TOGARAM1: variants seen among roughly 807,000 people sequenced by gnomAD.
TOGARAM1 encodes TOG array regulator of axonemal microtubules protein 1.
In TOGARAM1, 100 loss-of-function variants were observed where a neutral mutation model predicts 166.6. That is an observed-to-expected ratio of 0.60 (90% CI 0.51 to 0.71). The LOEUF (loss-of-function observed/expected upper bound fraction) is 0.71. TOGARAM1 is among the 30% of genes least tolerant of loss of function. The pLI is 0.00. For missense variants in TOGARAM1, 2,029 were observed against 2,102.7 expected (o/e 0.96, Z 0.69); for synonymous variants, 758 against 763.8 (o/e 0.99, Z 0.13).
At position 45,073,347 on chromosome 14, in the gene TOGARAM1, TGTTG is replaced by T. The variant is rs1883465615; in HGVS notation, c.5113_5116del (p.Val1705PhefsTer6). The stretch of plus-strand genomic sequence containing the variant: ...AAGCCGCATGCCACAGAGCAGAAAG[TGTTG>T]GTTGTTTTATGGCATCTCTTAGGAA... On this transcript the variant is annotated frameshift_variant, in exon 20 of 20. Coordinates refer to ENST00000361462, the MANE Select transcript of TOGARAM1 (RefSeq NM_001308120.2). LOFTEE classifies it high-confidence loss of function. 1.9e-6 allele frequency: 3 copies of T among 1,614,054 alleles called. No individual in the cohort carries two copies. Among genetic ancestry groups the T allele is most frequent in the Non-Finnish European group, 2.5e-6 (3 of 1,180,036 alleles).
intron 4 of TOGARAM1, among the ~76,000 whole-genome samples, chr14:45,004,896 A>C (rs968754009): frequency 6.6e-6 from 1 of 152,156 alleles, no homozygotes; most frequent in African/African-American, 2.4e-5. Context: ...ATATTTATTG[A>C]ATTTTTATTG....
intron 2 of TOGARAM1, 45 bp from the exon 3 acceptor site, chr14:44,999,318 A>C: frequency 6.7e-7 from 1 of 1,481,816 alleles, no homozygotes; most frequent in Non-Finnish European, 9.0e-7. Context: ...CATGAAATAA[A>C]GTTAACTTTT....
chr14:44,989,551 A>T (rs1216834601), intron 1 of TOGARAM1, among the ~76,000 whole-genome samples: 1 of 113,986 alleles, frequency 8.8e-6, no homozygotes, highest in African/African-American at 4.3e-5. Flanking sequence ...TCAGTACATT[A>T]AAAAAAAAAA....
chr14:45,046,991 G>A (rs1418873172), intron 14 of TOGARAM1, among the ~76,000 whole-genome samples: 1 of 152,166 alleles, frequency 6.6e-6, no homozygotes, highest in African/African-American at 2.4e-5. Flanking sequence ...GGGCAGAAAA[G>A]TGGCAGAAGA....
At chr14:44,989,327 T>A (rs1887011886) in intron 1 of TOGARAM1, among the ~76,000 whole-genome samples, 1 of 152,220 alleles carries the variant, frequency 6.6e-6, no homozygotes, top group Non-Finnish European at 1.5e-5. Flanking sequence ...CCATCCGTTC[T>A]TTAGCTTTAG....
intron 16 of TOGARAM1, among the ~76,000 whole-genome samples, chr14:45,056,575 G>A (rs554481360): frequency 1.3e-5 from 2 of 152,204 alleles, no homozygotes; most frequent in African/African-American, 4.8e-5. Flanking sequence ...TTATCATGAA[G>A]TGATGATGAA....
At chr14:44,971,987 T>A (rs148617472) in intron 1 of TOGARAM1, among the ~76,000 whole-genome samples, 282 of 151,900 alleles carry the variant, frequency 1.9e-3, no homozygotes, top group African/African-American at 6.5e-3. Context: ...GAGGAAGGAG[T>A]CACGTCTTAC....
chr14:44,966,456 G>A (rs1885544372), intron 1 of TOGARAM1, among the ~76,000 whole-genome samples: 1 of 151,968 alleles, frequency 6.6e-6, no homozygotes, highest in Non-Finnish European at 1.5e-5. Flanking sequence ...CTAGGCAACA[G>A]AGCAAGACTG....
chr14:45,018,670 T>C (rs1880303873), intron 7 of TOGARAM1, among the ~76,000 whole-genome samples: 1 of 152,218 alleles, frequency 6.6e-6, no homozygotes, highest in Non-Finnish European at 1.5e-5. Context: ...TTTTGGTAAA[T>C]TTCTTAACAT....
chr14:45,007,111 A>G (rs907460571), intron 5 of TOGARAM1: 7 of 151,806 alleles, frequency 4.6e-5, no homozygotes, highest in African/African-American at 1.7e-4. Context: ...CAAATACTTA[A>G]TTATGATATT....
intron 11 of TOGARAM1, among the ~76,000 whole-genome samples, chr14:45,038,536 A>G (rs528584754): frequency 1.3e-5 from 2 of 152,352 alleles, no homozygotes; most frequent in East Asian, 1.9e-4. Flanking sequence ...GGGACCAGAC[A>G]TACCACAAGC....
Position 44,962,664 on chromosome 14 carries a change from C to T in TOGARAM1, c.243C>T (p.Ser81=). Residue 81 remains serine, a synonymous_variant, in exon 1 of 20, where the codon AGC becomes AGT. Transcript: ENST00000361462. ...LLMPSEAVSS[S]WSESGGGLSG... is the part of the protein sequence containing the mutation. ...TGCCCTCGGAGGCAGTCTCAAGCAG[C>T]TGGTCTGAGTCTGGAGGCGGTTTGT... 6.2e-7 allele frequency: 1 copy of T among 1,614,182 alleles called. No homozygotes were observed. The highest frequency in any genetic ancestry group is 1.3e-5 in the African/African-American group (1 of 75,058).
chr14:44,968,024 A>G (rs1318493732), intron 1 of TOGARAM1, among the ~76,000 whole-genome samples: 2 of 152,188 alleles, frequency 1.3e-5, no homozygotes, highest in Non-Finnish European at 2.9e-5. Context: ...GGCCAAAGCA[A>G]AAAGAATCTG....
intron 16 of TOGARAM1, among the ~76,000 whole-genome samples, chr14:45,061,722 A>T (rs553461177): frequency 3.3e-5 from 5 of 152,100 alleles, no homozygotes; most frequent in Non-Finnish European, 7.4e-5. Flanking sequence ...CCACTTGGTG[A>T]TGATGATGTG....
intron 10 of TOGARAM1, 37 bp from the exon 11 acceptor site, chr14:45,032,186 G>T (rs768835356): frequency 6.4e-7 from 1 of 1,567,918 alleles, no homozygotes; most frequent in Non-Finnish European, 8.6e-7. Flanking sequence ...TTTTTAAAAA[G>T]GTTCTCTCAT....
intron 1 of TOGARAM1, among the ~76,000 whole-genome samples, chr14:44,993,567 A>G (rs575725336): frequency 4.4e-4 from 67 of 152,256 alleles, no homozygotes; most frequent in African/African-American, 1.5e-3. Context: ...TATGAATTCT[A>G]TTTTCTTTTA....
intron 1 of TOGARAM1, among the ~76,000 whole-genome samples, chr14:44,988,111 G>A (rs1429609399): frequency 7.1e-6 from 1 of 141,236 alleles, no homozygotes; most frequent in East Asian, 2.2e-4. Context: ...GCTGTGAGGT[G>A]GGGGGAGGGG....
chr14:44,968,409 G>T (rs777138303), intron 1 of TOGARAM1, among the ~76,000 whole-genome samples: 1 of 152,094 alleles, frequency 6.6e-6, no homozygotes, highest in Non-Finnish European at 1.5e-5. Flanking sequence ...ACAGGCACCC[G>T]CCACCATGCC....
chr14:45,072,513 G>A (rs1039113826), intron 19 of TOGARAM1, among the ~76,000 whole-genome samples: 2 of 151,618 alleles, frequency 1.3e-5, no homozygotes, highest in African/African-American at 4.8e-5. Flanking sequence ...TGCAACCTCC[G>A]CCTCCTGGGT....
Sources: allele counts gnomAD v4.1 joint callset (sites outside exome capture counted in the v4.1 genomes callset), GRCh38; gene constraint gnomAD v4.1.1; transcripts MANE v1.5; gene names NCBI Gene and HGNC (gene_info 2026-07-23, HGNC 2026-07-21).